Variants in RELN observed in about 807,000 individuals in gnomAD.
RELN encodes the protein reelin.
RELN carries 108 observed loss-of-function variants against 427.6 expected under a neutral mutation model. That is an observed-to-expected ratio of 0.25 (90% CI 0.22 to 0.30). The LOEUF (loss-of-function observed/expected upper bound fraction) is 0.30, where lower values mean the gene tolerates loss of function less well. Among genes scored for constraint, RELN ranks in the 10% least tolerant of loss-of-function variants. RELN has a pLI of 1.00. For missense variants in RELN, 3,715 were observed against 4,302.8 expected, an observed-to-expected ratio of 0.86 and a Z score of 3.82; for synonymous variants, 1,524 against 1,513.4, an observed-to-expected ratio of 1.01 and a Z score of -0.16.
At position 103,652,645 on chromosome 7, in the gene RELN, A is replaced by C. The variant is rs757726526; in HGVS notation, c.1669T>G (p.Phe557Val). ...GHNRNVWAVD[F>V]FHVLPVLPST... ...GGGAGAACAGGCAAGACATGGAAAA[A>C]GTCTACAGCCCAGACATTCCTATTA... The change falls in exon 14 of 65, where the codon TTT becomes GTT. Residue 557 changes from phenylalanine (F) to valine (V), a missense_variant. Transcript: ENST00000428762. The C allele has an allele frequency of 1.3e-5, 21 of 1,612,794 alleles. No homozygotes were observed. The highest frequency in any genetic ancestry group is 5.3e-5 in the African/African-American group (4 of 74,816).
chr7:103,983,893 G>A (rs1415756498), intron 1 of RELN, among the ~76,000 whole-genome samples: 2 of 139,592 alleles, frequency 1.4e-5, no homozygotes, highest in Admixed American at 7.3e-5. Context: ...GTGTGTGTGT[G>A]TGTATGTCTT....
At chr7:103,548,983 C>T (rs1029036727) in intron 41 of RELN, among the ~76,000 whole-genome samples, 4 of 152,166 alleles carry the variant, frequency 2.6e-5, no homozygotes, top group Non-Finnish European at 5.9e-5. Flanking sequence ...AATCTAAAAT[C>T]GTAACCTACA....
At position 103,573,747 on chromosome 7, in the gene RELN, T is replaced by C. The variant is rs933141091; in HGVS notation, c.4511+345A>G. Among the ~76,000 whole-genome samples, 8 of 152,172 alleles carry C rather than the reference T, an allele frequency of 5.3e-5. No homozygotes were observed. The highest frequency in any genetic ancestry group is 1.7e-4 in the African/African-American group (7 of 41,434). On this transcript the variant is annotated intron_variant, in intron 30 of 64. Transcript: ENST00000428762. The surrounding 1 kb of genome is among the most constrained non-coding windows in gnomAD (Gnocchi z 4.4). ...AATGAGGACGCATCAATTTCAGACA[T>C]AGAATGTAAGGTTGGAAAAATCTTT...
chr7:103,798,327 A>G (rs898581379), intron 3 of RELN, among the ~76,000 whole-genome samples: 2 of 152,336 alleles, frequency 1.3e-5, no homozygotes, highest in Admixed American at 1.3e-4. Context: ...CCATAGTATT[A>G]AGATCTTTGG....
intron 40 of RELN, among the ~76,000 whole-genome samples, chr7:103,551,900 C>T (rs1830418420): frequency 6.6e-6 from 1 of 151,796 alleles, no homozygotes; most frequent in African/African-American, 2.4e-5. Context: ...ATTAACCTAT[C>T]TATCACCTTC....
At chr7:103,732,812 C>T (rs1234747771) in intron 6 of RELN, among the ~76,000 whole-genome samples, 5 of 152,144 alleles carry the variant, frequency 3.3e-5, no homozygotes, top group Admixed American at 6.6e-5. Flanking sequence ...GTATTTAACC[C>T]CCAAAAATGT....
At chr7:103,854,398 C>A (rs1793895337) in intron 2 of RELN, among the ~76,000 whole-genome samples, 1 of 152,146 alleles carries the variant, frequency 6.6e-6, no homozygotes, top group Non-Finnish European at 1.5e-5. Flanking sequence ...GGCTGCTAAT[C>A]TAGCTGTCAT....
chr7:103,938,062 T>C (rs897493866), intron 1 of RELN, among the ~76,000 whole-genome samples: 1 of 152,232 alleles, frequency 6.6e-6, no homozygotes, highest in Non-Finnish European at 1.5e-5. Context: ...GGCTCATGCC[T>C]GTAATCCCAG....
intron 36 of RELN, among the ~76,000 whole-genome samples, chr7:103,560,405 C>T (rs1011671683): frequency 2.0e-5 from 3 of 152,194 alleles, no homozygotes; most frequent in Admixed American, 6.5e-5. Flanking sequence ...TAATGCTTGG[C>T]TGCTCTTGCA....
intron 52 of RELN, 118 bp from the exon 53 acceptor site, chr7:103,501,040 T>C (rs1011429959): frequency 2.3e-6 from 2 of 877,114 alleles, no homozygotes; most frequent in Non-Finnish European, 3.7e-6. Flanking sequence ...TCTTACTAGA[T>C]GAAATAGGTT....
chr7:103,694,509 C>T (rs1046761214), intron 10 of RELN, among the ~76,000 whole-genome samples: 1,642 of 130,940 alleles, frequency 0.013, 26 homozygotes, highest in African/African-American at 0.049. Context: ...ATGATGGCGA[C>T]GACGATGATG....
intron 17 of RELN, among the ~76,000 whole-genome samples, chr7:103,639,605 G>T (rs545871374): frequency 5.1e-4 from 78 of 151,926 alleles, no homozygotes; most frequent in Middle Eastern, 3.4e-3. Context: ...TCACCATGTT[G>T]GCCAGGCTGG....
chr7:103,912,117 G>GA (rs1168145919), intron 2 of RELN, among the ~76,000 whole-genome samples: 2 of 151,282 alleles, frequency 1.3e-5, no homozygotes, highest in East Asian at 3.9e-4. Context: ...ATGTTTAAGA[G>GA]AAAAAATTAC....
intron 3 of RELN, among the ~76,000 whole-genome samples, chr7:103,787,866 G>A (rs1378497747): frequency 4.6e-5 from 7 of 152,074 alleles, no homozygotes; most frequent in Admixed American, 1.3e-4. Context: ...CCAAAACCTG[G>A]CAGAGACACA....
At chr7:103,736,330 C>A (rs1187244751) in intron 6 of RELN, among the ~76,000 whole-genome samples, 1 of 152,158 alleles carries the variant, frequency 6.6e-6, no homozygotes, top group Non-Finnish European at 1.5e-5. Flanking sequence ...AAAGATCAAG[C>A]TTAATTTTTT....
At chr7:103,713,491 G>A (rs1303477107) in intron 8 of RELN, among the ~76,000 whole-genome samples, 3 of 152,134 alleles carry the variant, frequency 2.0e-5, no homozygotes, top group Non-Finnish European at 4.4e-5. Context: ...ATTTTAGGGA[G>A]CTTTTAAAAA....
At chr7:103,768,142 G>A (rs1791470141) in intron 4 of RELN, among the ~76,000 whole-genome samples, 2 of 152,116 alleles carry the variant, frequency 1.3e-5, no homozygotes, top group African/African-American at 2.4e-5. Context: ...AGTAATTTTT[G>A]TTTAGTACTA....
intron 10 of RELN, among the ~76,000 whole-genome samples, chr7:103,694,068 G>A (rs1231403618): frequency 1.3e-5 from 2 of 152,152 alleles, no homozygotes; most frequent in Admixed American, 6.6e-5. Flanking sequence ...AAACTGTAAT[G>A]TATAACAAAA....
intron 4 of RELN, among the ~76,000 whole-genome samples, chr7:103,757,222 T>A (rs1241278364): frequency 6.6e-6 from 1 of 152,190 alleles, no homozygotes; most frequent in Non-Finnish European, 1.5e-5. Flanking sequence ...CTTTCCTGTA[T>A]TAAATGTAAA....
Sources: allele counts gnomAD v4.1 joint callset (sites outside exome capture counted in the v4.1 genomes callset), GRCh38; gene constraint gnomAD v4.1.1; non-coding constraint Gnocchi (gnomAD v3.1); transcripts MANE v1.5; gene names NCBI Gene and HGNC (gene_info 2026-07-23, HGNC 2026-07-21).